The following PPFIA2 variants were observed in gnomAD, a reference collection of about 807,000 sequenced individuals.
The protein encoded by PPFIA2 is liprin-alpha-2.
In PPFIA2, 46 loss-of-function variants were observed where a neutral mutation model predicts 175.5. The observed-to-expected ratio is 0.26, with a 90% CI of 0.21 to 0.34. The LOEUF (loss-of-function observed/expected upper bound fraction) is 0.34. PPFIA2 is among the 10% of genes least tolerant of loss of function. The pLI, the probability that PPFIA2 is intolerant of heterozygous loss-of-function variation, is 1.00. For synonymous variants in PPFIA2, 568 were observed against 511.4 expected (o/e 1.11, Z -1.49); for missense variants, 1,179 against 1,506.1 (o/e 0.78, Z 3.60).
intron 3 of PPFIA2, among the ~76,000 whole-genome samples, chr12:81,680,519 G>A (rs1234473779): frequency 6.6e-6 from 1 of 151,970 alleles, no homozygotes; most frequent in South Asian, 2.1e-4. Context: ...CTATGTTGGC[G>A]ATGCAGGTAA....
intron 22 of PPFIA2, among the ~76,000 whole-genome samples, chr12:81,307,870 T>A (rs1008298926): frequency 6.6e-6 from 1 of 152,176 alleles, no homozygotes; most frequent in African/African-American, 2.4e-5. Context: ...CCCCTCCATG[T>A]CTTGCTATAT....
chr12:81,676,801 G>T lies in PPFIA2; in HGVS notation c.293C>A (p.Ala98Asp). Residue 98 changes from alanine (A) to aspartate (D), a missense_variant, in exon 4 of 33, where the codon GCT (alanine) becomes GAT (aspartate). By Grantham distance (126) the Ala-to-Asp change is moderately radical (BLOSUM62 -2). This residue lies in a region of PPFIA2 where 128 missense variants were observed against 141.4 expected (regional missense o/e 0.91). Coordinates refer to ENST00000549396, the MANE Select transcript of PPFIA2 (RefSeq NM_003625.5). ...LTGGLAGSKG[A>D]DPPEFAALTK... is the part of the protein sequence containing the mutation. Reference sequence around the variant, plus strand: ...AAGAATCTAACTTACCGGTGGATCAGCCCCCTTAGAACCAGCCAGCCCTCC... The same window carrying T: ...AAGAATCTAACTTACCGGTGGATCATCCCCCTTAGAACCAGCCAGCCCTCC... 1 of 1,561,462 alleles carries T rather than the reference G, an allele frequency of 6.4e-7. No individual in the cohort carries two copies.
At chr12:81,329,547 A>G (rs1295231417) in intron 21 of PPFIA2, among the ~76,000 whole-genome samples, 1 of 152,070 alleles carries the variant, frequency 6.6e-6, no homozygotes, top group African/African-American at 2.4e-5. Context: ...ACAACGATCT[A>G]CTGATTCAAT....
rs186832457 is a variant in PPFIA2 at position 81,727,396 on chromosome 12, A to G, written c.249+26577T>C. 4.7e-3 allele frequency among the ~76,000 whole-genome samples: 705 copies of G among 151,530 alleles called. 4 individuals carry two copies. Among genetic ancestry groups the G allele is most frequent in the Non-Finnish European group, 5.8e-3 (391 of 67,554 alleles). ...TACAAAAGACAGTTTTTCACTAACC[A>G]TCAAAAGAAGAAAACTTAGAATGAT... On this transcript the variant is annotated intron_variant, in intron 3 of 32. Transcript: ENST00000549396.
chr12:81,351,723 G>A (rs2060033439), intron 17 of PPFIA2, among the ~76,000 whole-genome samples: 1 of 143,222 alleles, frequency 7.0e-6, no homozygotes, highest in Admixed American at 7.1e-5. Context: ...GGGAGACTAT[G>A]TCTCTACAAA....
At chr12:81,737,575 A>C (rs112168198) in intron 3 of PPFIA2, among the ~76,000 whole-genome samples, 5 of 152,034 alleles carry the variant, frequency 3.3e-5, no homozygotes, top group African/African-American at 9.7e-5. Context: ...AAAAATGAAT[A>C]ATAATTCACC....
At chr12:81,527,876 C>T (rs984217861) in intron 4 of PPFIA2, among the ~76,000 whole-genome samples, 10 of 152,076 alleles carry the variant, frequency 6.6e-5, no homozygotes, top group African/African-American at 1.9e-4. Flanking sequence ...TGAAAATCTG[C>T]TGGGCTTTCA....
At chr12:81,618,607 C>A (rs1384625231) in intron 4 of PPFIA2, among the ~76,000 whole-genome samples, 1 of 146,650 alleles carries the variant, frequency 6.8e-6, no homozygotes, top group East Asian at 2.1e-4. Flanking sequence ...CGGCTCACTG[C>A]AAGCTCCGCC....
rs530090408 is a variant in PPFIA2, at chr12:81,345,109, G to A, written c.2233-416C>T. Among the ~76,000 whole-genome samples, 5 of 152,136 alleles carry A rather than the reference G, an allele frequency of 3.3e-5. No homozygotes were observed. In the East Asian group the frequency reaches 5.8e-4, roughly 18 times the overall value. ...AAGGAGTTTATAAATTCTTGTTTTT[G>A]CCCCATCTATGCAGAGCTTTGGGCC... On this transcript the variant is annotated intron_variant, in intron 18 of 32. Coordinates refer to ENST00000549396, the MANE Select transcript of PPFIA2 (RefSeq NM_003625.5).
chr12:81,456,613 T>G (rs1182400542), intron 5 of PPFIA2, among the ~76,000 whole-genome samples: 6 of 152,170 alleles, frequency 3.9e-5, no homozygotes, highest in African/African-American at 1.4e-4. Flanking sequence ...TTTAAACTAT[T>G]TTTCACCAAC....
chr12:81,477,309 A>G (rs1031830189), intron 4 of PPFIA2, among the ~76,000 whole-genome samples: 1 of 152,220 alleles, frequency 6.6e-6, no homozygotes, highest in African/African-American at 2.4e-5. Context: ...GCTACTTTCA[A>G]TTATTTGAAA....
chr12:81,642,653 TGTATCTATTATATACATAC>T (rs770843710), intron 4 of PPFIA2, among the ~76,000 whole-genome samples: 3,251 of 130,886 alleles, frequency 0.025, 421 homozygotes, highest in East Asian at 0.17. Context: ...CATACATGTA[TGTATCTATTATATACATAC>T]ATGTATGTAT....
At chr12:81,709,492 T>C (rs1402091438) in intron 3 of PPFIA2, among the ~76,000 whole-genome samples, 1 of 151,198 alleles carries the variant, frequency 6.6e-6, no homozygotes, top group East Asian at 1.9e-4. Context: ...AAATGGTTGG[T>C]ACACACACAC....
chr12:81,690,507 C>T (rs999253668), intron 3 of PPFIA2, among the ~76,000 whole-genome samples: 1 of 152,054 alleles, frequency 6.6e-6, no homozygotes, highest in East Asian at 1.9e-4. Flanking sequence ...TCCTCCTCCC[C>T]CAACACACAG....
At position 81,660,743 on chromosome 12, in the gene PPFIA2, C is replaced by T. The variant is rs538807087; in HGVS notation, c.303+16048G>A. 1.4e-3 allele frequency among the ~76,000 whole-genome samples: 210 copies of T among 152,092 alleles called. 1 individual carries two copies. The highest frequency in any genetic ancestry group is 5.6e-3 in the South Asian group (27 of 4,802). Reference sequence around the variant, plus strand: ...GAAGAGCAACTCCAAGACACATAATCGTCAGATTCACCAAAGTTGAAATGA... The same window carrying T: ...GAAGAGCAACTCCAAGACACATAATTGTCAGATTCACCAAAGTTGAAATGA... On this transcript the variant is annotated intron_variant, in intron 4 of 32. Coordinates refer to ENST00000549396, the MANE Select transcript of PPFIA2 (RefSeq NM_003625.5).
intron 3 of PPFIA2, among the ~76,000 whole-genome samples, chr12:81,734,172 G>A (rs747046385): frequency 6.6e-6 from 1 of 151,892 alleles, no homozygotes; most frequent in Middle Eastern, 3.4e-3. Context: ...GTGCTGTGGA[G>A]CTCACAGTTG....
intron 3 of PPFIA2, among the ~76,000 whole-genome samples, chr12:81,734,380 A>G (rs548728873): frequency 6.6e-6 from 1 of 151,994 alleles, no homozygotes; most frequent in Non-Finnish European, 1.5e-5. Context: ...ATCATTAATA[A>G]CCAGTTTAGA....
intron 4 of PPFIA2, among the ~76,000 whole-genome samples, chr12:81,573,610 C>T (rs750130068): frequency 7.2e-5 from 11 of 151,828 alleles, no homozygotes; most frequent in Non-Finnish European, 1.3e-4. Context: ...TCAGTGCTTT[C>T]ATCTTGTGAT....
chr12:81,677,596 G>A (rs2072791701), intron 3 of PPFIA2, among the ~76,000 whole-genome samples: 1 of 151,744 alleles, frequency 6.6e-6, no homozygotes, highest in Admixed American at 6.6e-5. Flanking sequence ...AAGAACAGGT[G>A]ACATTTATCT....
Sources: gnomAD v4.1 joint callset for allele counts (sites outside exome capture counted in the v4.1 genomes callset) on GRCh38, gnomAD v4.1.1 for gene constraint, gnomAD v4.1.1 regional missense constraint, MANE v1.5 for transcripts, NCBI Gene and HGNC (gene_info 2026-07-23, HGNC 2026-07-21) for gene names.